Variants in ANKRD53 observed in about 807,000 individuals in gnomAD.
ANKRD53 encodes the protein ankyrin repeat domain 53, also known as ankyrin repeat domain-containing protein 53.
Under a neutral mutation model 30.1 loss-of-function variants are expected in ANKRD53, and 27 were observed. The observed-to-expected ratio is 0.90, with a 90% CI of 0.66 to 1.24. The LOEUF (loss-of-function observed/expected upper bound fraction) is 1.24. ANKRD53 is among the 50% of genes most tolerant of loss of function. ANKRD53 has a pLI of 0.00. For synonymous variants in ANKRD53, 286 were observed against 295.4 expected (o/e 0.97, Z 0.33); for missense variants, 682 against 721.0 (o/e 0.95, Z 0.62).
chr2:70,984,477 T>C, intron 5 of ANKRD53, 134 bp from the exon 6 acceptor site: 1 of 1,525,142 alleles, frequency 6.6e-7, no homozygotes, highest in Non-Finnish European at 8.7e-7. Context: ...ACTCAGACTT[T>C]CCCTCCCATC....
In ANKRD53 at chr2:70,982,390, T is replaced by C; in HGVS notation, c.783-187T>C. ...GGTGGTGACCAGGTCATCAAGGACT[T>C]TCGTCTTTCACCTAAAGGAAGTAGG... On this transcript the variant is annotated intron_variant, in intron 4 of 5. Transcript: ENST00000360589. The surrounding 1 kb of genome is among the most constrained non-coding windows in gnomAD (Gnocchi z 4.2). The C allele has an allele frequency of 1.1e-6, 1 of 871,524 alleles. No individual in the cohort carries two copies. Among genetic ancestry groups the C allele is most frequent in the South Asian group, 1.9e-5 (1 of 53,610 alleles). 54.0% of individuals were successfully genotyped at this position (871,524 alleles called of 1,614,324 possible).
At position 70,982,843 on chromosome 2, in the gene ANKRD53, C is replaced by T; in HGVS notation, c.903+146C>T. On this transcript the variant is annotated intron_variant, in intron 5 of 5. Coordinates refer to ENST00000360589, the MANE Select transcript of ANKRD53 (RefSeq NM_001115116.2). The surrounding 1 kb of genome is among the most constrained non-coding windows in gnomAD (Gnocchi z 4.2). The stretch of plus-strand genomic sequence containing the variant: ...CTTTCGCCTGTACTCCCACCGGGTA[C>T]TCTGACTGAAATTCCGCTCTTTTAA... 9.1e-7 allele frequency: 1 copy of T among 1,103,758 alleles called. No homozygotes were observed. The allele number at this position is 1,103,758 out of a possible 1,614,324, so 68.4% of individuals were successfully genotyped here. A position where few individuals can be genotyped will look rare whatever the true frequency, so the allele number is the denominator to read the frequency against.
In ANKRD53 at chr2:70,979,117, C is replaced by T. The variant is rs1553422960; in HGVS notation, c.191C>T (p.Ala64Val). 6 of 1,603,146 alleles carry T rather than the reference C, an allele frequency of 3.7e-6. No individual in the cohort carries two copies. Among genetic ancestry groups the T allele is most frequent in the Middle Eastern group, 1.7e-4 (1 of 5,770 alleles). Residue 64 changes from alanine (A) to valine (V), a missense_variant, in exon 2 of 6, where the codon GCA (alanine) becomes GTA (valine). Physicochemically the swap from Ala to Val is moderately conservative, Grantham distance 64. Transcript: ENST00000360589. ...TCCAGCCAGCCCCTGCCCGACCTCG[C>T]AGACCACCTCAGTGCGCAGGCGACT... ...KQPSQPLPDL[A>V]DHLSAQATAL...
intron 5 of ANKRD53, chr2:70,984,269 C>A: frequency 6.2e-7 from 1 of 1,614,138 alleles, no homozygotes; most frequent in Non-Finnish European, 8.5e-7. Context: ...GAGGTTTTCC[C>A]TAGGGCAGGG....
At chr2:70,979,380 C>T in intron 2 of ANKRD53, 37 bp downstream of exon 2, 2 of 1,611,704 alleles carry the variant, frequency 1.2e-6, no homozygotes, top group Non-Finnish European at 1.7e-6. Context: ...ACCGAGGTCC[C>T]TCTCCCGCTA....
rs372165836 is a variant in ANKRD53, at chr2:70,979,681, C to T, written c.438C>T (p.Phe146=). 29 of 1,613,698 alleles carry T rather than the reference C, an allele frequency of 1.8e-5. No homozygotes were observed. The highest frequency in any genetic ancestry group is 1.1e-4 in the African/African-American group (8 of 74,924). Residue 146 remains phenylalanine (F), a synonymous_variant, in exon 3 of 6, where the codon TTC becomes TTT. Transcript: ENST00000360589. ...TDDKGFTAIH[F]AAQWGKLACL... ...CACAGGGCTTCACTGCCATCCACTTCGCCGCCCAATGGGGCAAGCTTGCAT... is the reference window on the plus strand; with the variant it reads ...CACAGGGCTTCACTGCCATCCACTTTGCCGCCCAATGGGGCAAGCTTGCAT...
At chr2:70,984,250 G>A in intron 5 of ANKRD53, 1 of 1,614,188 alleles carries the variant, frequency 6.2e-7, no homozygotes, top group Non-Finnish European at 8.5e-7. Context: ...TTGTCTTTCT[G>A]TAAGACTTGA....
At chr2:70,980,038 G>A (rs549625105) in intron 3 of ANKRD53, among the ~76,000 whole-genome samples, 178 bp downstream of exon 3, 11 of 152,344 alleles carry the variant, frequency 7.2e-5, no homozygotes, top group East Asian at 1.9e-4. Context: ...GGCTTTAGCC[G>A]GGCATGGTGG....
Position 70,978,839 on chromosome 2 carries a change from C to T in ANKRD53, c.170+24C>T, listed in dbSNP as rs1553422889. On this transcript the variant is annotated intron_variant, in intron 1 of 5. Transcript: ENST00000360589. The surrounding 1 kb of genome is among the most constrained non-coding windows in gnomAD (Gnocchi z 4.3). ...AGGTGGGTAGCGGGAGAAGGTGTCC[C>T]GGCTGCAGGGAGCGAGAACCCGGCC... 3 of 1,548,932 alleles carry T rather than the reference C, an allele frequency of 1.9e-6. No homozygotes were observed. Among genetic ancestry groups the T allele is most frequent in the East Asian group, 2.4e-5 (1 of 41,288 alleles).
chr2:70,984,161 C>T lies in ANKRD53; in HGVS notation c.904-450C>T, dbSNP rs369749142. The T allele has an allele frequency of 9.2e-5, 148 of 1,614,136 alleles. 1 individual carries two copies. In the Middle Eastern group the frequency reaches 3.3e-3, roughly 36 times the overall value. On this transcript the variant is annotated intron_variant, in intron 5 of 5. Transcript: ENST00000360589. ...GTGTGCACTTCCCATTTGCCTTTTC[C>T]CCCATCACACCAGAGACTCTCCTAT... is the stretch of plus-strand genomic sequence containing the variant.
intron 5 of ANKRD53, among the ~76,000 whole-genome samples, chr2:70,983,309 A>G (rs1670067084): frequency 2.0e-5 from 3 of 152,134 alleles, no homozygotes; most frequent in Non-Finnish European, 2.9e-5. Context: ...AGCCGCATGG[A>G]AAGGCATAGA....
Position 70,978,723 on chromosome 2 carries a change from T to G in ANKRD53, c.78T>G (p.Ala26=). ...WHSERGEGRG[A]RPQPTPSGSM... Reference sequence around the variant, plus strand: ...CAGAAAGGGGAGAAGGGAGAGGTGCTCGGCCGCAGCCAACTCCAAGTGGCT... The same window carrying G: ...CAGAAAGGGGAGAAGGGAGAGGTGCGCGGCCGCAGCCAACTCCAAGTGGCT... Residue 26 remains alanine, a synonymous_variant, in exon 1 of 6, where the codon GCT becomes GCG. Transcript: ENST00000360589. This position sits in a 1 kb window ranked among gnomAD's most constrained non-coding sequence, Gnocchi z 4.3. 6.4e-7 allele frequency: 1 copy of G among 1,552,438 alleles called. No homozygotes were observed. Among genetic ancestry groups the G allele is most frequent in the South Asian group, 1.2e-5 (1 of 84,090 alleles).
Position 70,979,643 on chromosome 2 carries a change from C to G in ANKRD53, c.418-18C>G, listed in dbSNP as rs1263833621. ...TCAGTCCCACTCAGCCTCCTCCTGCCTGCTCTGAACCTCACAGGGCTTCAC... is the reference window on the plus strand; with the variant it reads ...TCAGTCCCACTCAGCCTCCTCCTGCGTGCTCTGAACCTCACAGGGCTTCAC... On this transcript the variant is annotated intron_variant, in intron 2 of 5. Transcript: ENST00000360589. The G allele has an allele frequency of 6.2e-6, 10 of 1,609,460 alleles. No individual in the cohort carries two copies. Among genetic ancestry groups the G allele is most frequent in the Non-Finnish European group, 8.5e-6 (10 of 1,177,754 alleles).
At chr2:70,978,483 G>A (rs1441507472), upstream of ANKRD53, 1 of 788,586 alleles carries the variant, frequency 1.3e-6, no homozygotes. This position sits in a 1 kb window ranked among gnomAD's most constrained non-coding sequence, Gnocchi z 4.3. Flanking sequence ...GGTCCCCGGA[G>A]GCCCCCGGGC....
rs1553422878 is a variant in ANKRD53, at chr2:70,978,815, G to C, written c.170G>C (p.Ser57Thr). ...ACTGACGCGGAGTCCAAGCAGCCCA[G>C]GTGGGTAGCGGGAGAAGGTGTCCCG... ...TWTDAESKQPSQPLPDLADHL... is the reference protein window; with the variant it reads ...TWTDAESKQPTQPLPDLADHL... The change falls in exon 1 of 6, where the codon AGC (serine) becomes ACC (threonine). Residue 57 changes from serine (S) to threonine (T), a missense_variant and splice_region_variant. Physicochemically the swap from Ser to Thr is moderately conservative, Grantham distance 58. Transcript: ENST00000360589. The surrounding 1 kb of genome is among the most constrained non-coding windows in gnomAD (Gnocchi z 4.3). 6.4e-7 allele frequency: 1 copy of C among 1,559,144 alleles called. No homozygotes were observed. The highest frequency in any genetic ancestry group is 8.7e-7 in the Non-Finnish European group (1 of 1,153,216).
chr2:70,985,266 T>TCCGCCC lies in ANKRD53; in HGVS notation c.1561_1562insGCCCCC (p.Leu520_Pro521insArgPro). ...GCAGCTGTGCGATCTCATCAAGGAC[T>TCCGCCC]CCCCACCCTGCCCTCCCCACAAACC... is the stretch of plus-strand genomic sequence containing the variant. On this transcript the variant is annotated inframe_insertion, in exon 6 of 6. Transcript: ENST00000360589. 6.5e-7 allele frequency: 1 copy of TCCGCCC among 1,544,480 alleles called. No individual in the cohort carries two copies. The highest frequency in any genetic ancestry group is 8.8e-7 in the Non-Finnish European group (1 of 1,141,452).
chr2:70,982,708 C>G lies in ANKRD53; in HGVS notation c.903+11C>G, dbSNP rs375707079. 105 of 1,612,936 alleles carry G rather than the reference C, an allele frequency of 6.5e-5. No homozygotes were observed. Among genetic ancestry groups the G allele is most frequent in the Non-Finnish European group, 8.5e-5 (100 of 1,179,464 alleles). Reference sequence around the variant, plus strand: ...CTGATTGAGTATCAAGTAAGGGGGACAGCAGGGGGGCCAGGGGACAGCTGC... The same window carrying G: ...CTGATTGAGTATCAAGTAAGGGGGAGAGCAGGGGGGCCAGGGGACAGCTGC... On this transcript the variant is annotated intron_variant, in intron 5 of 5. Transcript: ENST00000360589. The surrounding 1 kb of genome is among the most constrained non-coding windows in gnomAD (Gnocchi z 4.2).
At chr2:70,984,172 C>T in intron 5 of ANKRD53, 2 of 1,614,186 alleles carry the variant, frequency 1.2e-6, no homozygotes, top group Non-Finnish European at 1.7e-6. Context: ...CCCATCACAC[C>T]AGAGACTCTC....
chr2:70,984,871 T>C lies in ANKRD53; in HGVS notation c.1164T>C (p.Val388=). The C allele has an allele frequency of 1.9e-6, 3 of 1,551,166 alleles. No individual in the cohort carries two copies. The highest frequency in any genetic ancestry group is 2.6e-6 in the Non-Finnish European group (3 of 1,146,998). Residue 388 remains valine, a synonymous_variant, in exon 6 of 6, where the codon GTT becomes GTC. Coordinates refer to ENST00000360589, the MANE Select transcript of ANKRD53 (RefSeq NM_001115116.2). ...TCAAGCGGCCCACAATGTGGAATGT[T>C]AGCAACAACCCCGCCAGACCCCCCA... ...PTVKRPTMWN[V]SNNPARPPTT... is the part of the protein sequence containing the mutation.
Sources: allele counts gnomAD v4.1 joint callset (sites outside exome capture counted in the v4.1 genomes callset), GRCh38; gene constraint gnomAD v4.1.1; non-coding constraint Gnocchi (gnomAD v3.1); transcripts MANE v1.5; gene names NCBI Gene and HGNC (gene_info 2026-07-23, HGNC 2026-07-21).